FSTL5: variants seen among roughly 807,000 people sequenced by gnomAD.
The protein encoded by FSTL5 is follistatin like 5.
FSTL5 carries 62 observed loss-of-function variants against 89.1 expected under a neutral mutation model. The observed-to-expected ratio is 0.70, with a 90% CI of 0.57 to 0.86. The LOEUF is 0.86. FSTL5 is among the 40% of genes least tolerant of loss of function. The pLI is 0.00. For synonymous variants in FSTL5, 383 were observed against 346.2 expected (o/e 1.11, Z -1.18); for missense variants, 1,057 against 1,001.6 (o/e 1.06, Z -0.75).
In FSTL5 at chr4:161,422,138, A is replaced by T. The variant is rs910683395; in HGVS notation, c.1841+32866T>A. On this transcript the variant is annotated intron_variant, in intron 15 of 15. Coordinates refer to ENST00000306100, the MANE Select transcript of FSTL5 (RefSeq NM_020116.5). Reference sequence around the variant, plus strand: ...GGTCATAATATATATAGGGTATTGTATATATGGTATTGGTTCTGTTTCTTT... The same window carrying T: ...GGTCATAATATATATAGGGTATTGTTTATATGGTATTGGTTCTGTTTCTTT... Among the ~76,000 whole-genome samples the T allele has an allele frequency of 2.6e-5, 4 of 151,956 alleles. No individual in the cohort carries two copies. The East Asian group carries it at 7.7e-4, about 29-fold the overall frequency.
chr4:161,696,541 G>C (rs1324319045), intron 6 of FSTL5, among the ~76,000 whole-genome samples: 1 of 152,158 alleles, frequency 6.6e-6, no homozygotes, highest in Non-Finnish European at 1.5e-5. Flanking sequence ...GCTATTGGCA[G>C]TATGGTCATT....
chr4:161,490,096 AT>A (rs1444380431), intron 12 of FSTL5, among the ~76,000 whole-genome samples: 6 of 152,168 alleles, frequency 3.9e-5, no homozygotes, highest in Non-Finnish European at 8.8e-5. Context: ...TTTTATATGA[AT>A]TCTAGTTGGA....
intron 15 of FSTL5, among the ~76,000 whole-genome samples, chr4:161,435,548 C>A (rs952675593): frequency 1.4e-5 from 2 of 139,566 alleles, no homozygotes; most frequent in African/African-American, 2.5e-5. Flanking sequence ...ACAATCATTT[C>A]TTGCACATTT....
At chr4:161,909,762 T>A (rs1009523355) in intron 4 of FSTL5, among the ~76,000 whole-genome samples, 7 of 152,106 alleles carry the variant, frequency 4.6e-5, no homozygotes, top group Non-Finnish European at 8.8e-5. Flanking sequence ...AATCTGCCAC[T>A]TGTGTATTGG....
chr4:161,573,534 G>A (rs556568255), intron 8 of FSTL5, among the ~76,000 whole-genome samples: 1 of 112,558 alleles, frequency 8.9e-6, no homozygotes, highest in African/African-American at 3.4e-5. Flanking sequence ...TCGGGAGTTC[G>A]CTACCAGCCT....
intron 4 of FSTL5, among the ~76,000 whole-genome samples, chr4:161,780,298 A>G (rs2126809211): frequency 6.6e-6 from 1 of 152,092 alleles, no homozygotes; most frequent in South Asian, 2.1e-4. Flanking sequence ...CCCCCTCCCC[A>G]AGTCCAAAAA....
chr4:161,735,433 C>A (rs181490969), intron 6 of FSTL5, among the ~76,000 whole-genome samples: 1 of 152,242 alleles, frequency 6.6e-6, no homozygotes, highest in African/African-American at 2.4e-5. Context: ...GCCCCTCTTT[C>A]TCCTCCCCAG....
At chr4:161,608,480 G>A (rs1734529006) in intron 7 of FSTL5, among the ~76,000 whole-genome samples, 1 of 151,862 alleles carries the variant, frequency 6.6e-6, no homozygotes, top group Non-Finnish European at 1.5e-5. Flanking sequence ...TTTTTGGGGG[G>A]AAATAAACAG....
chr4:161,598,150 T>A (rs916347781), intron 7 of FSTL5, among the ~76,000 whole-genome samples: 2 of 151,992 alleles, frequency 1.3e-5, no homozygotes, highest in African/African-American at 4.8e-5. Flanking sequence ...GGCGGGTAGA[T>A]CTCAAACTGA....
At chr4:161,600,613 T>C (rs1031272265) in intron 7 of FSTL5, among the ~76,000 whole-genome samples, 6 of 152,068 alleles carry the variant, frequency 3.9e-5, no homozygotes, top group African/African-American at 1.5e-4. Context: ...CTAAATCGAC[T>C]TGGATTGTAC....
At chr4:161,539,237 G>T (rs1010321825) in intron 9 of FSTL5, among the ~76,000 whole-genome samples, 3 of 151,368 alleles carry the variant, frequency 2.0e-5, no homozygotes, top group South Asian at 2.1e-4. Context: ...GTTCCATGTT[G>T]TTCAGTTACA....
intron 13 of FSTL5, among the ~76,000 whole-genome samples, chr4:161,472,466 T>A (rs568490407): frequency 6.0e-4 from 91 of 152,270 alleles, no homozygotes; most frequent in African/African-American, 1.9e-3. Flanking sequence ...TTGATTTTTT[T>A]AAATGTAAGT....
rs143769956 is a variant in FSTL5, at chr4:161,646,843, A to G, written c.894+9485T>C. Among the ~76,000 whole-genome samples the G allele has an allele frequency of 6.0e-3, 913 of 152,176 alleles. 9 individuals are homozygous for G. Among genetic ancestry groups the G allele is most frequent in the South Asian group, 0.045 (219 of 4,824 alleles). Reference sequence around the variant, plus strand: ...TAATCAGGTTACTATTGTTTTTATTATTACTATTTTTATTTGTTTTTGCAA... The same window carrying G: ...TAATCAGGTTACTATTGTTTTTATTGTTACTATTTTTATTTGTTTTTGCAA... On this transcript the variant is annotated intron_variant, in intron 7 of 15. Coordinates refer to ENST00000306100, the MANE Select transcript of FSTL5 (RefSeq NM_020116.5).
At chr4:161,867,891 T>C (rs1448187170) in intron 4 of FSTL5, among the ~76,000 whole-genome samples, 1 of 151,902 alleles carries the variant, frequency 6.6e-6, no homozygotes, top group Non-Finnish European at 1.5e-5. Context: ...TATTGAGTAG[T>C]TAGGGTTTAA....
At chr4:161,568,394 G>A (rs1038505475) in intron 8 of FSTL5, among the ~76,000 whole-genome samples, 1 of 152,138 alleles carries the variant, frequency 6.6e-6, no homozygotes, top group Non-Finnish European at 1.5e-5. Context: ...AGCTTCAGCG[G>A]GTAACTTAGC....
intron 4 of FSTL5, among the ~76,000 whole-genome samples, chr4:161,889,225 T>A (rs1732909720): frequency 6.6e-6 from 1 of 152,172 alleles, no homozygotes; most frequent in African/African-American, 2.4e-5. Flanking sequence ...TTAAACAATA[T>A]TTAGTTTTGT....
intron 2 of FSTL5, among the ~76,000 whole-genome samples, chr4:162,086,415 AT>A (rs1197496083): frequency 4.0e-5 from 6 of 150,388 alleles, no homozygotes; most frequent in Non-Finnish European, 7.4e-5. Context: ...TATTTTCTCG[AT>A]TATGTCTTGA....
intron 3 of FSTL5, among the ~76,000 whole-genome samples, chr4:162,021,190 C>T (rs1737070930): frequency 6.6e-6 from 1 of 152,132 alleles, no homozygotes; most frequent in Non-Finnish European, 1.5e-5. Context: ...ATAGTCTATA[C>T]TGGCTACTAC....
At chr4:161,601,190 G>A (rs1474403145) in intron 7 of FSTL5, among the ~76,000 whole-genome samples, 1 of 152,054 alleles carries the variant, frequency 6.6e-6, no homozygotes, top group East Asian at 1.9e-4. Context: ...AAGACTGGGG[G>A]CAGGAGAGGC....
Sources: gnomAD v4.1 joint callset for allele counts (sites outside exome capture counted in the v4.1 genomes callset) on GRCh38, gnomAD v4.1.1 for gene constraint, MANE v1.5 for transcripts, NCBI Gene and HGNC (gene_info 2026-07-23, HGNC 2026-07-21) for gene names.